Variants in TASP1 observed in about 807,000 individuals in gnomAD.
The protein encoded by TASP1 is taspase 1.
In TASP1, 16 loss-of-function variants were observed where a neutral mutation model predicts 56.6. The ratio of observed to expected loss-of-function variants is 0.28; its 90% CI spans 0.19 to 0.43. TASP1 has a LOEUF of 0.43. Among genes scored for constraint, TASP1 ranks in the 20% least tolerant of loss-of-function variants. The pLI is 1.00. For missense variants in TASP1, 393 were observed against 511.6 expected (o/e 0.77, Z 2.24); for synonymous variants, 179 against 184.2 (o/e 0.97, Z 0.23).
chr20:13,221,864 G>T, the TASP1 span: 1 of 1,428,012 alleles, frequency 7.0e-7, no homozygotes, highest in Non-Finnish European at 9.1e-7. Context: ...CTCGGGAGCC[G>T]CCGACGGGCC....
At chr20:13,336,386 A>G in the TASP1 span, among the ~76,000 whole-genome samples, 12 of 152,108 alleles carry the variant, frequency 7.9e-5, no homozygotes, top group Admixed American at 7.2e-4. Context: ...GCCTCCTCTT[A>G]TCTCCCAGGG....
chr20:13,362,013 A>G, the TASP1 span, among the ~76,000 whole-genome samples: 1 of 149,128 alleles, frequency 6.7e-6, no homozygotes, highest in African/African-American at 2.5e-5. Flanking sequence ...ATTCTATACC[A>G]CAAATGTTTC....
chr20:13,434,701 C>A (rs1204037786), intron 12 of TASP1, among the ~76,000 whole-genome samples: 1 of 152,062 alleles, frequency 6.6e-6, no homozygotes, highest in Admixed American at 6.6e-5. Context: ...CAGGAAGAAG[C>A]CTCTCTATTA....
chr20:13,177,750 A>G, the TASP1 span, among the ~76,000 whole-genome samples: 1 of 152,166 alleles, frequency 6.6e-6, no homozygotes, highest in African/African-American at 2.4e-5. Context: ...TCATTGTATA[A>G]AAAAATCAAT....
At chr20:13,494,400 C>T (rs2043646582) in intron 10 of TASP1, among the ~76,000 whole-genome samples, 1 of 152,132 alleles carries the variant, frequency 6.6e-6, no homozygotes, top group Non-Finnish European at 1.5e-5. Flanking sequence ...AGGCAGATGA[C>T]TTGAGAAAAC....
chr20:13,466,756 T>C (rs1356066779), intron 11 of TASP1, among the ~76,000 whole-genome samples: 1 of 152,082 alleles, frequency 6.6e-6, no homozygotes, highest in Admixed American at 6.5e-5. Flanking sequence ...ATAGTAATAA[T>C]AATAATAAAG....
chr20:13,450,253 G>A (rs757136371), intron 11 of TASP1, among the ~76,000 whole-genome samples: 5 of 152,060 alleles, frequency 3.3e-5, no homozygotes, highest in African/African-American at 4.8e-5. Context: ...GTCTTGCCTC[G>A]ATGTTGAAGG....
At chr20:13,510,855 C>T (rs1438840316) in intron 10 of TASP1, among the ~76,000 whole-genome samples, 1 of 152,150 alleles carries the variant, frequency 6.6e-6, no homozygotes, top group Non-Finnish European at 1.5e-5. Flanking sequence ...ATTATTATCT[C>T]TTTTAGTTTT....
chr20:13,175,079 T>C, the TASP1 span, among the ~76,000 whole-genome samples: 1 of 152,200 alleles, frequency 6.6e-6, no homozygotes, highest in Admixed American at 6.5e-5. Context: ...GTGAGTCAAT[T>C]ATACTCTTTC....
At chr20:13,517,389 C>T (rs2044580928) in intron 10 of TASP1, among the ~76,000 whole-genome samples, 1 of 152,062 alleles carries the variant, frequency 6.6e-6, no homozygotes, top group Non-Finnish European at 1.5e-5. Flanking sequence ...AGATATCCTT[C>T]ATATCCTTTA....
chr20:13,306,390 G>A, the TASP1 span, among the ~76,000 whole-genome samples: 2 of 151,966 alleles, frequency 1.3e-5, no homozygotes, highest in African/African-American at 4.8e-5. Context: ...GGGAATGTTA[G>A]CAAATTTTAA....
chr20:13,192,368 G>T, the TASP1 span, among the ~76,000 whole-genome samples: 1 of 152,126 alleles, frequency 6.6e-6, no homozygotes, highest in Non-Finnish European at 1.5e-5. Context: ...AAGACCCCAT[G>T]TCAAAAGTGT....
intron 10 of TASP1, among the ~76,000 whole-genome samples, chr20:13,484,514 C>G (rs1443115529): frequency 6.6e-6 from 1 of 151,822 alleles, no homozygotes; most frequent in Non-Finnish European, 1.5e-5. Context: ...GTGGGTGGAC[C>G]CACCTGAGGT....
At chr20:13,278,989 T>C in the TASP1 span, among the ~76,000 whole-genome samples, 1 of 152,198 alleles carries the variant, frequency 6.6e-6, no homozygotes, top group African/African-American at 2.4e-5. Context: ...CCTCTGTTAA[T>C]ACCTGTCACC....
chr20:13,571,249 T>TA (rs776593442), intron 6 of TASP1, among the ~76,000 whole-genome samples: 10 of 152,144 alleles, frequency 6.6e-5, no homozygotes, highest in African/African-American at 1.2e-4. Flanking sequence ...TTCCTCAACA[T>TA]AAAAAAGTAT....
At chr20:13,615,640 G>A (rs1384688114) in intron 4 of TASP1, among the ~76,000 whole-genome samples, 1 of 151,652 alleles carries the variant, frequency 6.6e-6, no homozygotes, top group African/African-American at 2.4e-5. Flanking sequence ...GAGTAGCTGG[G>A]ACTACAGGCA....
the TASP1 span, among the ~76,000 whole-genome samples, chr20:13,181,559 C>G: frequency 8.5e-5 from 13 of 152,142 alleles, no homozygotes; most frequent in Non-Finnish European, 1.9e-4. Flanking sequence ...TCTAAGGAAC[C>G]AAATATTGAC....
At chr20:13,543,201 A>T (rs1424574064) in intron 8 of TASP1, among the ~76,000 whole-genome samples, 1 of 152,206 alleles carries the variant, frequency 6.6e-6, no homozygotes. Context: ...TACTTCATAC[A>T]GTGCAAATGT....
the TASP1 span, among the ~76,000 whole-genome samples, chr20:13,318,123 G>A: frequency 3.2e-5 from 1 of 31,738 alleles, no homozygotes; most frequent in African/African-American, 1.0e-4. Flanking sequence ...AAATGTTTCT[G>A]AGGACACTTG....
Sources: gnomAD v4.1 joint callset for allele counts (sites outside exome capture counted in the v4.1 genomes callset) on GRCh38, gnomAD v4.1.1 for gene constraint, MANE v1.5 for transcripts, NCBI Gene and HGNC (gene_info 2026-07-23, HGNC 2026-07-21) for gene names.